The following LY75 variants were observed in gnomAD, a reference collection of about 807,000 sequenced individuals.
The protein encoded by LY75 is C-type lectin domain family 13 member B.
In LY75, 185 loss-of-function variants were observed where a neutral mutation model predicts 231.7. The ratio of observed to expected loss-of-function variants is 0.80; its 90% CI spans 0.71 to 0.90. LY75 has a LOEUF of 0.90. Among genes scored for constraint, LY75 ranks in the 40% least tolerant of loss-of-function variants. LY75 has a pLI of 0.00. For missense variants in LY75, 1,947 were observed against 2,050.2 expected (o/e 0.95, Z 0.97); for synonymous variants, 668 against 689.0 (o/e 0.97, Z 0.48).
chr2:159,852,461 G>T (rs1400485663), intron 20 of LY75, 121 bp from the exon 21 acceptor site: 22 of 1,378,058 alleles, frequency 1.6e-5, no homozygotes, highest in Non-Finnish European at 2.0e-5. Flanking sequence ...TCTGTTGCCC[G>T]GGGCTGGAGT....
chr2:159,867,752 C>T (rs905316540), intron 13 of LY75, among the ~76,000 whole-genome samples: 3 of 152,194 alleles, frequency 2.0e-5, no homozygotes, highest in African/African-American at 7.2e-5. Flanking sequence ...GTGTACACAG[C>T]AGCAATGGCA....
intron 16 of LY75, among the ~76,000 whole-genome samples, chr2:159,855,885 G>T (rs557734578): frequency 6.6e-6 from 1 of 152,318 alleles, no homozygotes; most frequent in South Asian, 2.1e-4. Context: ...TAATTTTGGT[G>T]TGGCATGTGA....
chr2:159,853,306 A>G lies in LY75; in HGVS notation c.2710T>C (p.Cys904Arg). 1 of 1,613,588 alleles carries G rather than the reference A, an allele frequency of 6.2e-7. No homozygotes were observed. Residue 904 changes from cysteine to arginine, a missense_variant, in exon 20 of 35, where the codon TGC becomes CGC. Physicochemically the swap from Cys to Arg is radical, Grantham distance 180. Transcript: ENST00000263636. ...CAAGTCTTGGCAGACATGTACAAGC[A>G]TTCCTCTCCAAATGTCACAGGAAAG... ...HRFPVTFGEECLYMSAKTWLI... is the reference protein window; with the variant it reads ...HRFPVTFGEERLYMSAKTWLI...
At chr2:159,861,032 T>C (rs186041278) in intron 14 of LY75, 143 bp from the exon 15 acceptor site, 2 of 755,338 alleles carry the variant, frequency 2.6e-6, no homozygotes, top group Admixed American at 2.6e-5. Context: ...TATATCATGA[T>C]GCTAAATCAT....
intron 1 of LY75, among the ~76,000 whole-genome samples, chr2:159,900,200 T>C (rs941715915): frequency 4.6e-5 from 7 of 152,206 alleles, no homozygotes; most frequent in Admixed American, 6.5e-5. Flanking sequence ...AGGACAATTA[T>C]TGAAGTTCTG....
At chr2:159,847,264 T>C (rs1034842051) in intron 23 of LY75, among the ~76,000 whole-genome samples, 2 of 152,186 alleles carry the variant, frequency 1.3e-5, no homozygotes, top group African/African-American at 4.8e-5. Flanking sequence ...TCCGCCCACC[T>C]TGGCCTCCTA....
At chr2:159,835,426 C>T in intron 26 of LY75, 54 bp downstream of exon 26, 1 of 1,469,572 alleles carries the variant, frequency 6.8e-7, no homozygotes, top group Non-Finnish European at 9.0e-7. Flanking sequence ...AGAAATTCTA[C>T]CACTTATGGG....
chr2:159,890,644 T>C (rs1685725597), intron 3 of LY75, among the ~76,000 whole-genome samples: 1 of 152,186 alleles, frequency 6.6e-6, no homozygotes, highest in African/African-American at 2.4e-5. Context: ...TTTTCGCCCA[T>C]GTCCCTGACT....
intron 32 of LY75, among the ~76,000 whole-genome samples, chr2:159,809,349 A>G (rs1682883919): frequency 1.3e-5 from 2 of 152,188 alleles, no homozygotes; most frequent in African/African-American, 4.8e-5. Flanking sequence ...TAAAATAGCT[A>G]AATCTGAAGG....
At chr2:159,806,497 T>C (rs1000071693) in intron 34 of LY75, among the ~76,000 whole-genome samples, 4 of 152,234 alleles carry the variant, frequency 2.6e-5, no homozygotes, top group African/African-American at 4.8e-5. Context: ...TATCAATTCA[T>C]AATGAAATGT....
At chr2:159,842,054 T>G (rs988078888) in intron 24 of LY75, among the ~76,000 whole-genome samples, 191 bp downstream of exon 24, 1 of 152,114 alleles carries the variant, frequency 6.6e-6, no homozygotes. Flanking sequence ...TCGGCTTTTA[T>G]TTTAGATACA....
intron 12 of LY75, among the ~76,000 whole-genome samples, chr2:159,874,992 T>C (rs1685219116): frequency 1.4e-5 from 2 of 143,630 alleles, no homozygotes; most frequent in Non-Finnish European, 3.0e-5. Context: ...AATATGTTTA[T>C]AAATATATAT....
rs755134834 is a variant in LY75, at chr2:159,834,202, T to A, written c.3683A>T (p.Glu1228Val). ...AICYYSGNET[E>V]KEVKPVDSVK... ...ACTGTCAACTGGTTTGACCTCTTTT[T>A]CAGTCTCATCTAGAAAAAGAGTTAA... Residue 1228 changes from glutamate to valine, a missense_variant, in exon 27 of 35, where the codon GAA becomes GTA. Transcript: ENST00000263636. 3.1e-5 allele frequency: 50 copies of A among 1,613,598 alleles called. 1 individual carries two copies. In the Middle Eastern group the frequency reaches 2.1e-3, roughly 69 times the overall value.
chr2:159,874,577 C>T (rs796997126), intron 12 of LY75, among the ~76,000 whole-genome samples: 9,556 of 24,650 alleles, frequency 0.39, 4,288 homozygotes, highest in South Asian at 0.74. Context: ...TAAATATGTA[C>T]ATATTTTGTA....
chr2:159,881,852 T>G (rs1685445323), intron 7 of LY75, among the ~76,000 whole-genome samples: 1 of 152,212 alleles, frequency 6.6e-6, no homozygotes, highest in South Asian at 2.1e-4. Context: ...ACTAGGCACA[T>G]GCGGCCACTT....
chr2:159,830,774 G>T (rs1683630182), intron 28 of LY75, among the ~76,000 whole-genome samples: 1 of 151,968 alleles, frequency 6.6e-6, no homozygotes, highest in Non-Finnish European at 1.5e-5. Context: ...TAGAGACAGG[G>T]TTTCACCATG....
At chr2:159,874,188 A>G (rs1685119177) in intron 12 of LY75, among the ~76,000 whole-genome samples, 1 of 137,884 alleles carries the variant, frequency 7.3e-6, no homozygotes, top group South Asian at 2.3e-4. Context: ...AAATATATAT[A>G]AATATATTGT....
At chr2:159,874,955 A>T (rs1376727877) in intron 12 of LY75, among the ~76,000 whole-genome samples, 1 of 139,588 alleles carries the variant, frequency 7.2e-6, no homozygotes, top group Non-Finnish European at 1.5e-5. Flanking sequence ...ATATATTTAT[A>T]AATATATTTA....
At chr2:159,823,019 A>T (rs910007248) in intron 28 of LY75, among the ~76,000 whole-genome samples, 1 of 152,244 alleles carries the variant, frequency 6.6e-6, no homozygotes, top group Non-Finnish European at 1.5e-5. Flanking sequence ...TGAAAATTCC[A>T]AAAACCAGAA....
Sources: allele counts gnomAD v4.1 joint callset (sites outside exome capture counted in the v4.1 genomes callset), GRCh38; gene constraint gnomAD v4.1.1; transcripts MANE v1.5; gene names NCBI Gene and HGNC (gene_info 2026-07-23, HGNC 2026-07-21).